NUBPL: variants seen among roughly 807,000 people sequenced by gnomAD.
NUBPL encodes NUBP iron-sulfur cluster assembly factor, mitochondrial.
In NUBPL, 31 loss-of-function variants were observed where a neutral mutation model predicts 45.7. That is an observed-to-expected ratio of 0.68 (90% confidence interval 0.51 to 0.92). NUBPL has a LOEUF of 0.92. NUBPL is among the 40% of genes least tolerant of loss of function. The pLI is 0.00. For synonymous variants in NUBPL, 144 were observed against 140.9 expected, an observed-to-expected ratio of 1.02 and a Z score of -0.15; for missense variants, 401 against 398.7, an observed-to-expected ratio of 1.01 and a Z score of -0.05.
chr14:31,732,037 C>T (rs1228727232), intron 6 of NUBPL, among the ~76,000 whole-genome samples: 1 of 151,448 alleles, frequency 6.6e-6, no homozygotes, highest in Non-Finnish European at 1.5e-5. Flanking sequence ...CCCGTCTCTA[C>T]TAAAAATACA....
chr14:31,678,243 C>T (rs2036747567), intron 6 of NUBPL, among the ~76,000 whole-genome samples: 1 of 152,168 alleles, frequency 6.6e-6, no homozygotes, highest in Admixed American at 6.5e-5. Context: ...AAATGCCATC[C>T]AAGAGCCAAG....
chr14:31,703,329 C>A (rs936238125), intron 6 of NUBPL, among the ~76,000 whole-genome samples: 1 of 152,192 alleles, frequency 6.6e-6, no homozygotes, highest in Non-Finnish European at 1.5e-5. Flanking sequence ...GGGAATTGAG[C>A]ACACACAGTG....
At chr14:31,582,580 C>T (rs1161984065) in intron 3 of NUBPL, among the ~76,000 whole-genome samples, 1 of 152,028 alleles carries the variant, frequency 6.6e-6, no homozygotes, top group Non-Finnish European at 1.5e-5. Flanking sequence ...CGCTGTGGTT[C>T]ATAGGCATCT....
intron 3 of NUBPL, among the ~76,000 whole-genome samples, chr14:31,577,320 C>G (rs2033742104): frequency 6.6e-6 from 1 of 152,182 alleles, no homozygotes; most frequent in Admixed American, 6.5e-5. Context: ...TCTGTTTAAT[C>G]TCATCCACCT....
At chr14:31,835,444 T>G (rs1051101211) in intron 8 of NUBPL, among the ~76,000 whole-genome samples, 3 of 152,154 alleles carry the variant, frequency 2.0e-5, no homozygotes, top group Non-Finnish European at 2.9e-5. Flanking sequence ...TTCCATCATA[T>G]AGGGATGATA....
intron 6 of NUBPL, among the ~76,000 whole-genome samples, chr14:31,774,151 G>A (rs1203183703): frequency 6.6e-6 from 1 of 152,176 alleles, no homozygotes; most frequent in East Asian, 1.9e-4. Context: ...CCCTGATTCT[G>A]TGTGGCTGAG....
At chr14:31,722,173 T>A (rs1318527910) in intron 6 of NUBPL, among the ~76,000 whole-genome samples, 1 of 151,820 alleles carries the variant, frequency 6.6e-6, no homozygotes, top group Non-Finnish European at 1.5e-5. Context: ...ATATTTTTGG[T>A]TTTTGTTTTT....
chr14:31,767,462 C>T (rs1375520560), intron 6 of NUBPL, among the ~76,000 whole-genome samples: 1 of 152,210 alleles, frequency 6.6e-6, no homozygotes, highest in African/African-American at 2.4e-5. Flanking sequence ...ATCCGCCCGC[C>T]TCAGCCTCCC....
At chr14:31,567,164 G>A (rs1010460630) in intron 3 of NUBPL, among the ~76,000 whole-genome samples, 8 of 151,956 alleles carry the variant, frequency 5.3e-5, no homozygotes, top group African/African-American at 1.9e-4. Context: ...ACAACATACC[G>A]TTTTTTTCTA....
chr14:31,741,634 G>A (rs1466065645), intron 6 of NUBPL, among the ~76,000 whole-genome samples: 1 of 152,108 alleles, frequency 6.6e-6, no homozygotes, highest in East Asian at 1.9e-4. Flanking sequence ...ACAGTGTGGG[G>A]ACCCCCATGT....
intron 4 of NUBPL, among the ~76,000 whole-genome samples, chr14:31,666,051 G>C (rs2036402619): frequency 6.7e-6 from 1 of 150,212 alleles, no homozygotes; most frequent in Admixed American, 6.7e-5. Context: ...ATTGTACCCT[G>C]GTTTTTTTTT....
intron 6 of NUBPL, among the ~76,000 whole-genome samples, chr14:31,700,471 C>T (rs1046380757): frequency 3.3e-5 from 5 of 152,196 alleles, no homozygotes; most frequent in African/African-American, 9.6e-5. Flanking sequence ...CAGCCCACTG[C>T]TGCACTGTGG....
intron 3 of NUBPL, among the ~76,000 whole-genome samples, chr14:31,582,994 T>C (rs2033903862): frequency 6.6e-6 from 1 of 152,232 alleles, no homozygotes; most frequent in Non-Finnish European, 1.5e-5. Flanking sequence ...CATCTGCCTC[T>C]GACAAAATTC....
At chr14:31,585,906 A>C (rs969518193) in intron 3 of NUBPL, among the ~76,000 whole-genome samples, 3 of 152,234 alleles carry the variant, frequency 2.0e-5, no homozygotes, top group African/African-American at 7.2e-5. Flanking sequence ...TGGCATATAC[A>C]AGTAAGTATT....
At chr14:31,843,297 G>A (rs2040404614) in intron 8 of NUBPL, among the ~76,000 whole-genome samples, 1 of 152,240 alleles carries the variant, frequency 6.6e-6, no homozygotes, top group Non-Finnish European at 1.5e-5. Context: ...GGGAAGAAAA[G>A]TCCTAACCTT....
At chr14:31,700,899 C>T (rs113854478) in intron 6 of NUBPL, among the ~76,000 whole-genome samples, 10 of 152,282 alleles carry the variant, frequency 6.6e-5, no homozygotes, top group Admixed American at 3.9e-4. Flanking sequence ...CCAGGGCTCC[C>T]GGTCCCATCG....
intron 7 of NUBPL, among the ~76,000 whole-genome samples, chr14:31,824,956 C>T (rs7144178): frequency 0.16 from 24,194 of 152,102 alleles, 5,540 homozygotes; most frequent in African/African-American, 0.51. Context: ...AAAAAATTCA[C>T]GGATTCAGCC....
rs559683063 is a variant in NUBPL, at chr14:31,656,205, A to G, written c.383-17150A>G. Among the ~76,000 whole-genome samples the G allele has an allele frequency of 2.0e-5, 3 of 152,258 alleles. No homozygotes were observed. The South Asian group carries it at 6.2e-4, about 32-fold the overall frequency. ...TTGAAGAGAGTTAGGGCCATATTCT[A>G]GATTACATTCTGGGTTAAGAGAATG... On this transcript the variant is annotated intron_variant, in intron 4 of 10. Coordinates refer to ENST00000281081, the MANE Select transcript of NUBPL (RefSeq NM_025152.3).
intron 3 of NUBPL, among the ~76,000 whole-genome samples, chr14:31,581,202 CTTTT>C (rs751566032): frequency 1.9e-5 from 2 of 103,318 alleles, no homozygotes; most frequent in Admixed American, 9.6e-5. Context: ...AGAGATGGTT[CTTTT>C]TTTTTTTTTT....
Sources: gnomAD v4.1 joint callset for allele counts (sites outside exome capture counted in the v4.1 genomes callset) on GRCh38, gnomAD v4.1.1 for gene constraint, MANE v1.5 for transcripts, NCBI Gene and HGNC (gene_info 2026-07-23, HGNC 2026-07-21) for gene names.